AKAP13: variants seen among roughly 807,000 people sequenced by gnomAD.
AKAP13 encodes the protein A-kinase anchor protein 13.
In AKAP13, 80 loss-of-function variants were observed where a neutral mutation model predicts 264.5. That is an observed-to-expected ratio of 0.30 (90% CI 0.25 to 0.36). The LOEUF is 0.36. Ranked by LOEUF, AKAP13 falls within the 10% of genes least tolerant of loss-of-function variation. The pLI is 1.00. For synonymous variants in AKAP13, 1,380 were observed against 1,250.2 expected (o/e 1.10, Z -2.19); for missense variants, 3,712 against 3,435.2 (o/e 1.08, Z -2.01).
chr15:85,467,120 C>T (rs1046539189), intron 1 of AKAP13, among the ~76,000 whole-genome samples: 2 of 151,724 alleles, frequency 1.3e-5, no homozygotes, highest in Non-Finnish European at 2.9e-5. Flanking sequence ...CTCAATCATC[C>T]GTGTATTAGT....
chr15:85,685,136 A>G lies in AKAP13; in HGVS notation c.5289+263A>G, dbSNP rs145375610. The G allele has an allele frequency of 2.1e-4, 67 of 325,922 alleles. 1 individual carries two copies. Among genetic ancestry groups the G allele is most frequent in the African/African-American group, 1.4e-3 (64 of 47,142 alleles). 20.2% of individuals were successfully genotyped at this position (325,922 alleles called of 1,614,324 possible). A position where few individuals can be genotyped will look rare whatever the true frequency, so the allele number is the denominator to read the frequency against. On this transcript the variant is annotated intron_variant, in intron 16 of 36. Transcript: ENST00000394518. ...TCAACAACCCTGTCAGGTAGGTGTT[A>G]TCTCTCTTTTCTAAAAGTGATGTAC...
rs371824645 is a variant in AKAP13, at chr15:85,735,605, C to T, written c.7487C>T (p.Thr2496Met). The change falls in exon 32 of 37, where the codon ACG becomes ATG. Residue 2496 changes from threonine (T) to methionine (M), a missense_variant. Physicochemically the swap from Thr to Met is moderately conservative, Grantham distance 81. Transcript: ENST00000394518. ...EGDDGQDLRRTESDSGLKKGG... is the reference protein window; with the variant it reads ...EGDDGQDLRRMESDSGLKKGG... ...GATGATGGCCAAGATCTTAGGAGAA[C>T]GGAATCAGATAGTGGCCTAAAAAAG... 330 of 1,613,078 alleles carry T rather than the reference C, an allele frequency of 2.0e-4. No homozygotes were observed. Among genetic ancestry groups the T allele is most frequent in the Non-Finnish European group, 2.7e-4 (322 of 1,179,728 alleles).
chr15:85,381,201 C>A lies in AKAP13; in HGVS notation c.-12+403C>A, dbSNP rs540131050. 3.3e-5 allele frequency among the ~76,000 whole-genome samples: 5 copies of A among 152,202 alleles called. No homozygotes were observed. In the East Asian group the frequency reaches 7.7e-4, roughly 24 times the overall value. ...GCGCCGCCGGGGCGGGCTCACTCCT[C>A]CCCTGGGGCGGGCGGCCGCGGTGTG... On this transcript the variant is annotated intron_variant, in intron 1 of 36. Transcript: ENST00000394518.
At chr15:85,620,192 A>T in intron 8 of AKAP13, 3 of 1,534,742 alleles carry the variant, frequency 2.0e-6, no homozygotes, top group Non-Finnish European at 2.6e-6. Flanking sequence ...GCTGCACCTC[A>T]TGCATTCTGA....
chr15:85,717,090 C>T lies in AKAP13; in HGVS notation c.5736-200C>T, dbSNP rs115879451. On this transcript the variant is annotated intron_variant, in intron 20 of 36. Transcript: ENST00000394518. The stretch of plus-strand genomic sequence containing the variant: ...CTCAAAAAGTCCTCAGAATTTGAGT[C>T]TCCAGTGATACTAAATGCTCCCGAC... 1,936 of 501,286 alleles carry T rather than the reference C, an allele frequency of 3.9e-3. 31 individuals are homozygous for T. The highest frequency in any genetic ancestry group is 0.035 in the African/African-American group (1,715 of 49,522). The allele number at this position is 501,286 out of a possible 1,614,324, so 31.1% of individuals were successfully genotyped here.
chr15:85,434,129 C>T (rs964213776), intron 1 of AKAP13, among the ~76,000 whole-genome samples: 9 of 151,780 alleles, frequency 5.9e-5, no homozygotes, highest in African/African-American at 1.9e-4. Context: ...GTGCGCGAGC[C>T]GAAGCAGGGC....
intron 8 of AKAP13, among the ~76,000 whole-genome samples, chr15:85,607,889 A>G (rs867066209): frequency 6.6e-6 from 1 of 152,238 alleles, no homozygotes; most frequent in South Asian, 2.1e-4. Flanking sequence ...TGCTTTGAAT[A>G]TGAGTGAATG....
chr15:85,422,357 T>G (rs2072563242), intron 1 of AKAP13, among the ~76,000 whole-genome samples: 1 of 152,154 alleles, frequency 6.6e-6, no homozygotes, highest in South Asian at 2.1e-4. Context: ...ATGATCATGT[T>G]CTGTAAGATG....
At chr15:85,397,196 G>A (rs1383801382) in intron 1 of AKAP13, among the ~76,000 whole-genome samples, 1 of 151,998 alleles carries the variant, frequency 6.6e-6, no homozygotes, top group African/African-American at 2.4e-5. Flanking sequence ...TATCTTAAAA[G>A]CTTTCATTTG....
At chr15:85,401,459 C>T (rs1032408399) in intron 1 of AKAP13, among the ~76,000 whole-genome samples, 1 of 152,156 alleles carries the variant, frequency 6.6e-6, no homozygotes, top group Admixed American at 6.5e-5. Context: ...TGGGGCAAGG[C>T]CAGCTTTGAT....
intron 3 of AKAP13, among the ~76,000 whole-genome samples, chr15:85,527,185 G>A (rs962376259): frequency 2.0e-5 from 3 of 152,128 alleles, no homozygotes; most frequent in Non-Finnish European, 4.4e-5. Flanking sequence ...GGATGGTCTT[G>A]ATCTCCTGAC....
At chr15:85,509,655 C>T (rs1017094695) in intron 2 of AKAP13, among the ~76,000 whole-genome samples, 5 of 152,160 alleles carry the variant, frequency 3.3e-5, no homozygotes, top group African/African-American at 1.2e-4. Context: ...AAATGTAACT[C>T]ATTTATCCTA....
chr15:85,630,037 C>A (rs2081632710), intron 8 of AKAP13, among the ~76,000 whole-genome samples: 1 of 151,834 alleles, frequency 6.6e-6, no homozygotes, highest in Non-Finnish European at 1.5e-5. Flanking sequence ...TCAGTAACTT[C>A]TTTTTGTTTT....
At chr15:85,666,595 C>T (rs906843069) in intron 13 of AKAP13, among the ~76,000 whole-genome samples, 1 of 152,168 alleles carries the variant, frequency 6.6e-6, no homozygotes, top group Non-Finnish European at 1.5e-5. Context: ...GTCGCCCATA[C>T]TGGAGTGCAG....
Position 85,521,536 on chromosome 15 carries a change from C to A in AKAP13, c.142C>A (p.Arg48=). 3.7e-6 allele frequency: 6 copies of A among 1,614,086 alleles called. No individual in the cohort carries two copies. Among genetic ancestry groups the A allele is most frequent in the African/African-American group, 1.3e-5 (1 of 75,022 alleles). ...CACCCTCCGTCACTGTACAAGTACT[C>A]GGAAGGTCAGTTCTGATACATTGGA... ...GSTLRHCTST[R]KVSSDTLETI... Residue 48 remains arginine (R), a synonymous_variant, in exon 3 of 37, where the codon CGG becomes AGG. Transcript: ENST00000394518.
chr15:85,633,766 G>A (rs1343060679), intron 8 of AKAP13, among the ~76,000 whole-genome samples: 1 of 151,594 alleles, frequency 6.6e-6, no homozygotes, highest in East Asian at 1.9e-4. Flanking sequence ...GGATGGTCTC[G>A]ATCTCCTGAC....
intron 23 of AKAP13, among the ~76,000 whole-genome samples, chr15:85,720,175 A>G (rs1200748263): frequency 1.3e-5 from 2 of 152,124 alleles, no homozygotes; most frequent in African/African-American, 4.8e-5. Flanking sequence ...TCAAAGTTGC[A>G]GCGAGCCATG....
intron 1 of AKAP13, among the ~76,000 whole-genome samples, chr15:85,468,625 C>A (rs1244635608): frequency 6.6e-6 from 1 of 152,130 alleles, no homozygotes; most frequent in Admixed American, 6.5e-5. Context: ...AAGCAAAGCA[C>A]AACAAGTAGT....
At chr15:85,395,975 T>C (rs2071088749) in intron 1 of AKAP13, among the ~76,000 whole-genome samples, 1 of 151,998 alleles carries the variant, frequency 6.6e-6, no homozygotes, top group Non-Finnish European at 1.5e-5. Flanking sequence ...TCTCAAGAAA[T>C]ATATGGGTTG....
Sources: gnomAD v4.1 joint callset for allele counts (sites outside exome capture counted in the v4.1 genomes callset) on GRCh38, gnomAD v4.1.1 for gene constraint, MANE v1.5 for transcripts, NCBI Gene and HGNC (gene_info 2026-07-23, HGNC 2026-07-21) for gene names.